The following NPAS2 variants were observed in gnomAD, a reference collection of about 807,000 sequenced individuals.
The protein encoded by NPAS2 is neuronal PAS domain-containing protein 2.
Under a neutral mutation model 107.5 loss-of-function variants are expected in NPAS2, and 23 were observed. That is an observed-to-expected ratio of 0.21 (90% CI 0.15 to 0.30). The LOEUF is 0.30. Among genes scored for constraint, NPAS2 ranks in the 10% least tolerant of loss-of-function variants. NPAS2 has a pLI of 1.00. For synonymous variants in NPAS2, 403 were observed against 417.5 expected (o/e 0.97, Z 0.42); for missense variants, 756 against 1,043.3 (o/e 0.72, Z 3.79).
chr2:100,980,494 G>A (rs538575346), intron 15 of NPAS2, among the ~76,000 whole-genome samples: 39 of 151,738 alleles, frequency 2.6e-4, no homozygotes, highest in Non-Finnish European at 4.6e-4. Flanking sequence ...TTTTGAGACG[G>A]GGTCTCACTC....
intron 1 of NPAS2, among the ~76,000 whole-genome samples, chr2:100,856,002 C>T (rs759351606): frequency 1.3e-5 from 2 of 152,210 alleles, no homozygotes; most frequent in Non-Finnish European, 2.9e-5. Flanking sequence ...ACCCCCCTCC[C>T]TCCAAACACA....
intron 1 of NPAS2, chr2:100,821,317 G>A: frequency 4.6e-6 from 4 of 877,128 alleles, no homozygotes; most frequent in Non-Finnish European, 6.2e-6. Context: ...AAACACTCCC[G>A]AGCTTGTGTC....
chr2:100,982,637 T>C, intron 16 of NPAS2: 1 of 518,376 alleles, frequency 1.9e-6, no homozygotes, highest in Non-Finnish European at 3.5e-6. Flanking sequence ...TGCCTCCACC[T>C]ACGTTTGCAC....
intron 1 of NPAS2, among the ~76,000 whole-genome samples, chr2:100,885,992 A>C (rs1179421157): frequency 1.3e-5 from 2 of 152,226 alleles, no homozygotes; most frequent in Non-Finnish European, 2.9e-5. Flanking sequence ...TTTCACTTTC[A>C]ATTTTGTTAA....
intron 1 of NPAS2, among the ~76,000 whole-genome samples, chr2:100,852,197 C>A (rs1375838074): frequency 6.6e-6 from 1 of 151,948 alleles, no homozygotes; most frequent in African/African-American, 2.4e-5. Context: ...GAGATCAAGA[C>A]CATCCTGGCT....
intron 1 of NPAS2, among the ~76,000 whole-genome samples, chr2:100,889,919 G>T (rs1680941533): frequency 6.8e-6 from 1 of 147,928 alleles, no homozygotes; most frequent in African/African-American, 2.5e-5. Flanking sequence ...TAGATGCCTT[G>T]GAGACGTCCC....
Position 100,976,005 on chromosome 2 carries a change from G to A in NPAS2, c.1392+438G>A, listed in dbSNP as rs1052702654. On this transcript the variant is annotated intron_variant, in intron 14 of 20. Coordinates refer to ENST00000335681, the MANE Select transcript of NPAS2 (RefSeq NM_002518.4). The surrounding 1 kb of genome is among the most constrained non-coding windows in gnomAD (Gnocchi z 4.1). ...ATGTGCCAGATCCTTCCAGAACATC[G>A]GGATGTATGGCCCTGGCTATATGTA... is the stretch of plus-strand genomic sequence containing the variant. 9.9e-5 allele frequency among the ~76,000 whole-genome samples: 15 copies of A among 152,084 alleles called. No individual in the cohort carries two copies. Among genetic ancestry groups the A allele is most frequent in the Non-Finnish European group, 1.8e-4 (12 of 68,028 alleles).
intron 1 of NPAS2, among the ~76,000 whole-genome samples, chr2:100,860,676 G>A (rs1452431434): frequency 1.3e-5 from 2 of 152,050 alleles, no homozygotes; most frequent in Non-Finnish European, 2.9e-5. Context: ...ATCAGTATGG[G>A]TTTGTAGATT....
intron 2 of NPAS2, among the ~76,000 whole-genome samples, chr2:100,923,099 A>T (rs1316815839): frequency 1.3e-5 from 2 of 152,190 alleles, no homozygotes; most frequent in Non-Finnish European, 2.9e-5. Context: ...ATGTGTTTGA[A>T]CATGGTCTTT....
In NPAS2 at chr2:100,845,587, C is replaced by T. The variant is rs950790052; in HGVS notation, c.-23+25173C>T. 1.1e-4 allele frequency among the ~76,000 whole-genome samples: 16 copies of T among 152,214 alleles called. No individual in the cohort carries two copies. The East Asian group carries it at 2.9e-3, about 27-fold the overall frequency. The stretch of plus-strand genomic sequence containing the variant: ...TGCTCTGGGTGGATGCCAGCTGGGG[C>T]CACACTGCAGCCATCCAATGTCAGC... On this transcript the variant is annotated intron_variant, in intron 1 of 20. Transcript: ENST00000335681.
chr2:100,934,903 T>C (rs1332907913), intron 4 of NPAS2: 3 of 985,296 alleles, frequency 3.0e-6, no homozygotes, highest in Non-Finnish European at 3.6e-6. Context: ...CATGTCTTAG[T>C]GGCCAGGATG....
chr2:100,882,042 A>T (rs986767520), intron 1 of NPAS2, among the ~76,000 whole-genome samples: 1 of 152,230 alleles, frequency 6.6e-6, no homozygotes, highest in African/African-American at 2.4e-5. Context: ...ATGCCATGGG[A>T]ATCCTCAATG....
intron 1 of NPAS2, among the ~76,000 whole-genome samples, chr2:100,838,173 CT>C (rs35830048): frequency 0.028 from 3,713 of 133,788 alleles, 87 homozygotes; most frequent in East Asian, 0.11. Flanking sequence ...CCTGGGTTAG[CT>C]TTTTTTTTTT....
At chr2:100,961,851 A>C (rs1675934720) in intron 7 of NPAS2, among the ~76,000 whole-genome samples, 1 of 152,154 alleles carries the variant, frequency 6.6e-6, no homozygotes, top group African/African-American at 2.4e-5. Context: ...ATTAAGGGGG[A>C]GGCCTTCTCT....
At position 100,992,392 on chromosome 2, in the gene NPAS2, C is replaced by T. The variant is rs147559272; in HGVS notation, c.2112-955C>T. Among the ~76,000 whole-genome samples the T allele has an allele frequency of 1.8e-3, 279 of 152,330 alleles. 1 individual carries two copies. Among genetic ancestry groups the T allele is most frequent in the African/African-American group, 6.5e-3 (270 of 41,578 alleles). The stretch of plus-strand genomic sequence containing the variant: ...GTGCTGCAGCCACTGTGTTAAATGT[C>T]GGCTCTGTGTCCCCACCAAAATCTC... On this transcript the variant is annotated intron_variant, in intron 19 of 20. Transcript: ENST00000335681.
intron 3 of NPAS2, among the ~76,000 whole-genome samples, 181 bp from the exon 4 acceptor site, chr2:100,932,729 G>T (rs1033715317): frequency 4.6e-5 from 7 of 151,482 alleles, no homozygotes; most frequent in Admixed American, 3.3e-4. Context: ...TAAGGGAGAT[G>T]AGAACATCCG....
At chr2:100,848,337 T>C (rs1396673033) in intron 1 of NPAS2, among the ~76,000 whole-genome samples, 4 of 152,218 alleles carry the variant, frequency 2.6e-5, no homozygotes, top group Non-Finnish European at 5.9e-5. Context: ...GAGATTCCTG[T>C]ATCATACTTG....
rs545945513 is a variant in NPAS2 at position 100,888,791 on chromosome 2, T to C, written c.-22-15942T>C. On this transcript the variant is annotated intron_variant, in intron 1 of 20. Coordinates refer to ENST00000335681, the MANE Select transcript of NPAS2 (RefSeq NM_002518.4). ...CTGGGCCTGTGCCTTCTAATTCTGA[T>C]GCCATGACTTCTGACTCAGGCGGAC... Among the ~76,000 whole-genome samples the C allele has an allele frequency of 4.6e-5, 7 of 152,300 alleles. No individual in the cohort carries two copies. In the South Asian group the frequency reaches 1.5e-3, roughly 32 times the overall value.
intron 3 of NPAS2, 116 bp downstream of exon 3, chr2:100,925,410 C>G: frequency 9.1e-7 from 1 of 1,097,816 alleles, no homozygotes; most frequent in Admixed American, 2.4e-5. Flanking sequence ...CCAGCCTTAC[C>G]GGTCGAGGGC....
Sources: allele counts gnomAD v4.1 joint callset (sites outside exome capture counted in the v4.1 genomes callset), GRCh38; gene constraint gnomAD v4.1.1; non-coding constraint Gnocchi (gnomAD v3.1); transcripts MANE v1.5; gene names NCBI Gene and HGNC (gene_info 2026-07-23, HGNC 2026-07-21).